The following CTIF variants were observed in gnomAD, a reference collection of about 807,000 sequenced individuals.
CTIF encodes cap binding complex dependent translation initiation factor.
A neutral mutation model predicts 66.0 loss-of-function variants in CTIF; 21 were observed. The ratio of observed to expected loss-of-function variants is 0.32; its 90% CI spans 0.23 to 0.46. CTIF has a LOEUF of 0.46. Among genes scored for constraint, CTIF ranks in the 20% least tolerant of loss-of-function variants. The pLI is 1.00. For missense variants in CTIF, 739 were observed against 812.7 expected (o/e 0.91, Z 1.10); for synonymous variants, 345 against 326.4 (o/e 1.06, Z -0.62).
At chr18:48,696,917 G>A (rs572200198) in intron 6 of CTIF, among the ~76,000 whole-genome samples, 3 of 152,288 alleles carry the variant, frequency 2.0e-5, no homozygotes, top group South Asian at 2.1e-4. Context: ...CTTTGTCCTC[G>A]GAGAGCTTAC....
At chr18:48,585,953 CA>C (rs1448126422) in intron 1 of CTIF, among the ~76,000 whole-genome samples, 1 of 152,164 alleles carries the variant, frequency 6.6e-6, no homozygotes, top group Non-Finnish European at 1.5e-5. Flanking sequence ...AAATAACTTG[CA>C]AATGTTTTCC....
At chr18:48,605,740 A>T (rs1171443433) in intron 1 of CTIF, among the ~76,000 whole-genome samples, 2 of 152,098 alleles carry the variant, frequency 1.3e-5, no homozygotes, top group East Asian at 3.9e-4. Flanking sequence ...CTTAGGTCAC[A>T]GAGGCCCACC....
Position 48,767,382 on chromosome 18 carries a change from C to T in CTIF, c.1371+5693C>T, listed in dbSNP as rs528330790. 2.2e-4 allele frequency among the ~76,000 whole-genome samples: 34 copies of T among 152,278 alleles called. No homozygotes were observed. In the South Asian group the frequency reaches 6.9e-3, roughly 31 times the overall value. On this transcript the variant is annotated intron_variant, in intron 9 of 11. Coordinates refer to ENST00000256413, the MANE Select transcript of CTIF (RefSeq NM_014772.3). ...GCACTGCCCTGTCACTGCCCCGGGA[C>T]GTCCACGTGGGCTCTGGGAATGCTC... is the stretch of plus-strand genomic sequence containing the variant.
Position 48,683,843 on chromosome 18 carries a change from A to T in CTIF, c.507+13099A>T, listed in dbSNP as rs1437088721. Among the ~76,000 whole-genome samples, 5 of 152,180 alleles carry T rather than the reference A, an allele frequency of 3.3e-5. No individual in the cohort carries two copies. In the South Asian group the frequency reaches 8.3e-4, roughly 25 times the overall value. ...TGGTGGCTCCTTGTCTGCTGAGACA[A>T]GCGTGGCACCACTGTGGCCACCAGC... On this transcript the variant is annotated intron_variant, in intron 6 of 11. Coordinates refer to ENST00000256413, the MANE Select transcript of CTIF (RefSeq NM_014772.3).
chr18:48,643,202 A>G (rs1347145027), intron 3 of CTIF, among the ~76,000 whole-genome samples: 2 of 152,238 alleles, frequency 1.3e-5, no homozygotes, highest in South Asian at 4.1e-4. Flanking sequence ...AGATTTGCTG[A>G]AAAATCAACT....
At chr18:48,626,646 T>TTTTTTTTTG (rs2090606478) in intron 2 of CTIF, among the ~76,000 whole-genome samples, 1 of 106,918 alleles carries the variant, frequency 9.4e-6, no homozygotes. Flanking sequence ...CACCTGGCCG[T>TTTTTTTTTG]TTTTTTTTTG....
intron 9 of CTIF, among the ~76,000 whole-genome samples, chr18:48,764,118 C>T (rs777020672): frequency 2.0e-5 from 3 of 152,212 alleles, no homozygotes; most frequent in South Asian, 2.1e-4. Flanking sequence ...GCACCTCCCC[C>T]TGAAGCATCT....
At chr18:48,645,613 A>C (rs968686114) in intron 3 of CTIF, among the ~76,000 whole-genome samples, 2 of 152,320 alleles carry the variant, frequency 1.3e-5, no homozygotes, top group African/African-American at 4.8e-5. Context: ...CCCACGCCCC[A>C]TGGTGTCACT....
intron 1 of CTIF, among the ~76,000 whole-genome samples, chr18:48,581,163 T>C (rs988551329): frequency 6.6e-6 from 1 of 152,250 alleles, no homozygotes; most frequent in African/African-American, 2.4e-5. Context: ...CAGCAAATAC[T>C]GTTTTCGCAA....
chr18:48,743,221 C>T (rs577214851), intron 7 of CTIF, among the ~76,000 whole-genome samples: 54 of 152,260 alleles, frequency 3.5e-4, no homozygotes, highest in African/African-American at 1.2e-3. Flanking sequence ...TTCACAACCC[C>T]GGGCTGGAGG....
intron 7 of CTIF, among the ~76,000 whole-genome samples, chr18:48,729,529 G>A (rs1009562035): frequency 6.6e-6 from 1 of 152,212 alleles, no homozygotes; most frequent in Admixed American, 6.5e-5. Context: ...AGTAGGATGA[G>A]AGCTGGCGTC....
chr18:48,553,089 C>T lies in CTIF; in HGVS notation c.-29+13777C>T, dbSNP rs74497285. ...GGAACAGTTGCACATCTTCCTGATA[C>T]GGCCAGTTGGAAGTGTGGTTTGGCC... On this transcript the variant is annotated intron_variant, in intron 1 of 11. Transcript: ENST00000256413. Among the ~76,000 whole-genome samples, 1,019 of 152,310 alleles carry T rather than the reference C, an allele frequency of 6.7e-3. 11 individuals are homozygous for T. Among genetic ancestry groups the T allele is most frequent in the African/African-American group, 0.022 (934 of 41,552 alleles).
intron 9 of CTIF, among the ~76,000 whole-genome samples, chr18:48,774,907 T>C (rs945267595): frequency 6.6e-6 from 1 of 152,148 alleles, no homozygotes; most frequent in African/African-American, 2.4e-5. Flanking sequence ...GCGCCACATA[T>C]TGGACCCATA....
intron 6 of CTIF, among the ~76,000 whole-genome samples, chr18:48,679,722 A>C (rs1387451127): frequency 6.6e-6 from 1 of 152,132 alleles, no homozygotes; most frequent in Non-Finnish European, 1.5e-5. Context: ...GATAAATCAG[A>C]CCACATCAGC....
At chr18:48,626,290 C>T (rs551845305) in intron 2 of CTIF, among the ~76,000 whole-genome samples, 2 of 152,036 alleles carry the variant, frequency 1.3e-5, no homozygotes, top group South Asian at 2.1e-4. Context: ...CGTGAGCCAC[C>T]GCGCCCGGCC....
At position 48,619,551 on chromosome 18, in the gene CTIF, C is replaced by A; in HGVS notation, c.-15C>A. Reference sequence around the variant, plus strand: ...CTTTCCCACCAGTCCCGGCCCAGGCCCCTGAGCTGGAGGGATGGAAAACTC... The same window carrying A: ...CTTTCCCACCAGTCCCGGCCCAGGCACCTGAGCTGGAGGGATGGAAAACTC... On this transcript the variant is annotated 5_prime_UTR_variant, in exon 2 of 12. Transcript: ENST00000256413. 2 of 1,507,608 alleles carry A rather than the reference C, an allele frequency of 1.3e-6. No individual in the cohort carries two copies. Among genetic ancestry groups the A allele is most frequent in the African/African-American group, 1.4e-5 (1 of 71,730 alleles). 93.4% of individuals were successfully genotyped at this position (1,507,608 alleles called of 1,614,324 possible). A position where few individuals can be genotyped will look rare whatever the true frequency, so the allele number is the denominator to read the frequency against.
intron 7 of CTIF, among the ~76,000 whole-genome samples, chr18:48,736,420 C>T (rs1012266509): frequency 2.0e-5 from 3 of 152,184 alleles, no homozygotes; most frequent in African/African-American, 7.2e-5. Flanking sequence ...GAAGCCAGAG[C>T]TGTGCATAGA....
intron 6 of CTIF, among the ~76,000 whole-genome samples, chr18:48,691,999 A>G (rs530957395): frequency 6.6e-6 from 1 of 152,304 alleles, no homozygotes; most frequent in East Asian, 1.9e-4. Context: ...CTTGTGCTTC[A>G]GCCTCCCGAG....
At chr18:48,640,734 A>G (rs1359175523) in intron 3 of CTIF, among the ~76,000 whole-genome samples, 1 of 152,244 alleles carries the variant, frequency 6.6e-6, no homozygotes, top group Admixed American at 6.5e-5. Flanking sequence ...GCCCTGCACC[A>G]GGGCCCAGGG....
Sources: gnomAD v4.1 joint callset for allele counts (sites outside exome capture counted in the v4.1 genomes callset) on GRCh38, gnomAD v4.1.1 for gene constraint, MANE v1.5 for transcripts, NCBI Gene and HGNC (gene_info 2026-07-23, HGNC 2026-07-21) for gene names.